RFC1: variants seen among roughly 807,000 people sequenced by gnomAD.
RFC1 encodes A1 140 kDa subunit.
RFC1 carries 37 observed loss-of-function variants against 137.4 expected under a neutral mutation model. The observed-to-expected ratio is 0.27, with a 90% confidence interval of 0.21 to 0.35. The LOEUF (loss-of-function observed/expected upper bound fraction) is 0.35. Ranked by LOEUF, RFC1 falls within the 10% of genes least tolerant of loss-of-function variation. The pLI, the probability that RFC1 is intolerant of heterozygous loss-of-function variation, is 1.00. For missense variants in RFC1, 1,205 were observed against 1,358.5 expected, an observed-to-expected ratio of 0.89 and a Z score of 1.78; for synonymous variants, 429 against 455.7, an observed-to-expected ratio of 0.94 and a Z score of 0.75.
At chr4:39,359,835 AAAG>A (rs1741662441) in intron 1 of RFC1, among the ~76,000 whole-genome samples, 1 of 151,636 alleles carries the variant, frequency 6.6e-6, no homozygotes, top group Non-Finnish European at 1.5e-5. Context: ...AAAAAAAAAA[AAAG>A]AATAATACAG....
At chr4:39,352,198 T>C (rs1741242878) in intron 1 of RFC1, among the ~76,000 whole-genome samples, 3 of 152,140 alleles carry the variant, frequency 2.0e-5, no homozygotes, top group African/African-American at 7.2e-5. Flanking sequence ...ATGATCCTTG[T>C]CTGTGGAACA....
chr4:39,340,667 T>C (rs1740567837), intron 4 of RFC1, among the ~76,000 whole-genome samples: 1 of 152,172 alleles, frequency 6.6e-6, no homozygotes, highest in Non-Finnish European at 1.5e-5. Context: ...ATGCCAATCT[T>C]ATTGTGGGCT....
intron 12 of RFC1, 73 bp downstream of exon 12, chr4:39,311,372 C>A: frequency 4.1e-6 from 5 of 1,223,042 alleles, no homozygotes; most frequent in Non-Finnish European, 4.7e-6. Flanking sequence ...AGCCTGTATC[C>A]ACCCAAGACA....
At chr4:39,343,053 G>A (rs905282473) in intron 3 of RFC1, among the ~76,000 whole-genome samples, 4 of 151,512 alleles carry the variant, frequency 2.6e-5, no homozygotes, top group Non-Finnish European at 5.9e-5. Context: ...TTTTTGAGAC[G>A]GAGTCTCGCT....
At chr4:39,321,497 A>T in intron 7 of RFC1, 123 bp from the exon 8 acceptor site, 1 of 738,810 alleles carries the variant, frequency 1.4e-6, no homozygotes, top group Non-Finnish European at 2.1e-6. Context: ...ACTACAATAA[A>T]CTGTCATTCA....
intron 4 of RFC1, among the ~76,000 whole-genome samples, chr4:39,337,159 G>T (rs1740395014): frequency 1.3e-5 from 2 of 152,162 alleles, no homozygotes. Context: ...CGGATCACCT[G>T]AGGTCGGGAG....
intron 4 of RFC1, among the ~76,000 whole-genome samples, chr4:39,336,060 T>C (rs1167812237): frequency 6.6e-6 from 1 of 152,158 alleles, no homozygotes; most frequent in African/African-American, 2.4e-5. Context: ...AGTGTCTCAT[T>C]ATTTACTGTG....
chr4:39,330,922 CAT>C (rs537709146), intron 4 of RFC1, among the ~76,000 whole-genome samples: 1 of 151,414 alleles, frequency 6.6e-6, no homozygotes. Context: ...CACACACACA[CAT>C]ATATATATAT....
intron 7 of RFC1, chr4:39,323,128 T>C: frequency 2.8e-6 from 1 of 361,484 alleles, no homozygotes; most frequent in Non-Finnish European, 4.9e-6. Context: ...TTCTTTGTTT[T>C]GTGATAAAAG....
Position 39,291,762 on chromosome 4 carries a change from G to T in RFC1, c.3045C>A (p.Asp1015Glu). The change falls in exon 23 of 25, where the codon GAC (aspartate) becomes GAA (glutamate). Residue 1015 changes from aspartate (D) to glutamate (E), a missense_variant. By Grantham distance (45) the Asp-to-Glu change is conservative. This residue lies in a region of RFC1 where 237 missense variants were observed against 304.2 expected (regional missense o/e 0.78). Coordinates refer to ENST00000349703, the MANE Select transcript of RFC1 (RefSeq NM_002913.5). The stretch of plus-strand genomic sequence containing the variant: ...TAAGTGCAACAACATCCTGTACTCC[G>T]TCTACTCCTTGTGAGGTCAAGGGCT... ...LVQPLTSQGV[D>E]GVQDVVALMD... 6.2e-7 allele frequency: 1 copy of T among 1,613,246 alleles called. No homozygotes were observed. Among genetic ancestry groups the T allele is most frequent in the Non-Finnish European group, 8.5e-7 (1 of 1,179,270 alleles).
Position 39,326,554 on chromosome 4 carries a change from T to C in RFC1, c.642+9A>G, listed in dbSNP as rs775309491. 9.3e-6 allele frequency: 15 copies of C among 1,610,858 alleles called. No individual in the cohort carries two copies. The highest frequency in any genetic ancestry group is 1.3e-5 in the Non-Finnish European group (15 of 1,177,616). On this transcript the variant is annotated intron_variant, in intron 6 of 24. Transcript: ENST00000349703. ...AAGTTACTAATGATTCTAAGCAAAA[T>C]GCCAATACCTCCGCATCTTCATCAA...
chr4:39,321,165 TCCTGTGAA>T (rs1431315972), intron 8 of RFC1, 114 bp downstream of exon 8: 1 of 758,576 alleles, frequency 1.3e-6, no homozygotes, highest in African/African-American at 1.7e-5. Flanking sequence ...GCTCTAATAG[TCCTGTGAA>T]ATAATGTCTA....
chr4:39,351,602 A>G (rs1741207221), intron 1 of RFC1, 126 bp from the exon 2 acceptor site: 1 of 690,936 alleles, frequency 1.4e-6, no homozygotes, highest in Admixed American at 4.2e-5. Flanking sequence ...ATACCAAGAT[A>G]GTTCCACGAA....
chr4:39,294,542 G>A (rs1737869631), intron 22 of RFC1, among the ~76,000 whole-genome samples: 1 of 151,998 alleles, frequency 6.6e-6, no homozygotes, highest in Non-Finnish European at 1.5e-5. Flanking sequence ...GTGGTGGCAT[G>A]CACCTTAGTC....
rs1351774094 is a variant in RFC1 at position 39,289,873 on chromosome 4, G to T, written c.3335C>A (p.Ala1112Asp). 6.2e-7 allele frequency: 1 copy of T among 1,612,218 alleles called. No individual in the cohort carries two copies. The highest frequency in any genetic ancestry group is 8.5e-7 in the Non-Finnish European group (1 of 1,178,404). Reference sequence around the variant, plus strand: ...CTTGATCATGGCATCAGTTTCTATAGCATCTTGGTCTTTCTCATCAGATTG... The same window carrying T: ...CTTGATCATGGCATCAGTTTCTATATCATCTTGGTCTTTCTCATCAGATTG... ...DSQSDEKDQD[A>D]IETDAMIKKK... Residue 1112 changes from alanine to aspartate, a missense_variant, in exon 24 of 25, where the codon GCT becomes GAT. Transcript: ENST00000349703.
At chr4:39,327,245 A>G (rs1739818883) in intron 5 of RFC1, among the ~76,000 whole-genome samples, 1 of 152,194 alleles carries the variant, frequency 6.6e-6, no homozygotes. Flanking sequence ...TAGTAAAATG[A>G]GTTTCCATTC....
intron 12 of RFC1, among the ~76,000 whole-genome samples, chr4:39,310,002 T>A (rs1738886724): frequency 1.3e-5 from 2 of 152,190 alleles, no homozygotes; most frequent in African/African-American, 2.4e-5. Flanking sequence ...CTAGTTTCAG[T>A]GGGATGCTGA....
chr4:39,296,642 C>A (rs1283812334), intron 21 of RFC1, among the ~76,000 whole-genome samples: 1 of 151,374 alleles, frequency 6.6e-6, no homozygotes, highest in Non-Finnish European at 1.5e-5. Flanking sequence ...TTTCTTAATC[C>A]AGTCTATCAT....
At chr4:39,353,279 T>A (rs1741297973) in intron 1 of RFC1, among the ~76,000 whole-genome samples, 1 of 149,534 alleles carries the variant, frequency 6.7e-6, no homozygotes, top group African/African-American at 2.5e-5. Flanking sequence ...TGCATGCCTA[T>A]AATCCACCTG....
Sources: allele counts gnomAD v4.1 joint callset (sites outside exome capture counted in the v4.1 genomes callset), GRCh38; gene constraint gnomAD v4.1.1; regional missense constraint gnomAD v4.1.1; transcripts MANE v1.5; gene names NCBI Gene and HGNC (gene_info 2026-07-23, HGNC 2026-07-21).